The following PLCD1 variants were observed in gnomAD, a reference collection of about 807,000 sequenced individuals.
PLCD1 encodes the protein 1-phosphatidylinositol 4,5-bisphosphate phosphodiesterase delta-1.
A neutral mutation model predicts 87.4 loss-of-function variants in PLCD1; 71 were observed. The observed-to-expected ratio is 0.81, with a 90% CI of 0.67 to 0.99. PLCD1 has a LOEUF of 0.99. Ranked by LOEUF, PLCD1 falls within the 50% of genes least tolerant of loss-of-function variation. The pLI is 0.00. For synonymous variants in PLCD1, 348 were observed against 399.2 expected, an observed-to-expected ratio of 0.87 and a Z score of 1.53; for missense variants, 867 against 1,001.5, an observed-to-expected ratio of 0.87 and a Z score of 1.81.
chr3:38,016,606 G>A lies in PLCD1; in HGVS notation c.313C>T (p.Arg105Cys), dbSNP rs778012055. 7 of 1,613,318 alleles carry A rather than the reference G, an allele frequency of 4.3e-6. No homozygotes were observed. Among genetic ancestry groups the A allele is most frequent in the Middle Eastern group, 1.6e-4 (1 of 6,084 alleles). Residue 105 changes from arginine to cysteine, a missense_variant, in exon 3 of 15, where the codon CGC becomes TGC. Coordinates refer to ENST00000334661, the MANE Select transcript of PLCD1 (RefSeq NM_006225.4). ...GGGGCGATGAGGTCTAGTGTATTGC[G>A]CTGGTCCTTGAAGACAATGGAGAAG... ...RCFSIVFKDQ[R>C]NTLDLIAPSP... is the part of the protein sequence containing the mutation.
Position 38,029,617 on chromosome 3 carries a change from G to T in PLCD1, c.-78C>A. ...ACAGCACCGGCGGCCTGGGGTCCGA[G>T]CGGAGTGCGGTGCAGGGACCTGAAT... On this transcript the variant is annotated 5_prime_UTR_variant, in exon 1 of 15. Coordinates refer to ENST00000334661, the MANE Select transcript of PLCD1 (RefSeq NM_006225.4). 1 of 1,388,902 alleles carries T rather than the reference G, an allele frequency of 7.2e-7. No homozygotes were observed. The highest frequency in any genetic ancestry group is 9.8e-7 in the Non-Finnish European group (1 of 1,016,772). 86.0% of individuals were successfully genotyped at this position (1,388,902 alleles called of 1,614,324 possible).
chr3:38,008,368 C>T lies in PLCD1; in HGVS notation c.1903-1G>A, dbSNP rs1700001447. 6.2e-7 allele frequency: 1 copy of T among 1,614,222 alleles called. No homozygotes were observed. The highest frequency in any genetic ancestry group is 2.2e-5 in the East Asian group (1 of 44,884). On this transcript the variant is annotated splice_acceptor_variant, in intron 12 of 14. Transcript: ENST00000334661. LOFTEE classifies it high-confidence loss of function. Reference sequence around the variant, plus strand: ...TTGGCAGCTGCTGCCCCGAAATGACCTGAGGAAAGGCAGAGGACAATGGAC... The same window carrying T: ...TTGGCAGCTGCTGCCCCGAAATGACTTGAGGAAAGGCAGAGGACAATGGAC...
At chr3:38,009,503 C>G in intron 9 of PLCD1, 72 bp from the exon 10 acceptor site, 3 of 1,585,390 alleles carry the variant, frequency 1.9e-6, no homozygotes, top group Non-Finnish European at 2.6e-6. Flanking sequence ...AGCCAGAAAC[C>G]CAGGCGCAGA....
chr3:38,023,652 A>G (rs1396878791), intron 1 of PLCD1, among the ~76,000 whole-genome samples: 1 of 152,018 alleles, frequency 6.6e-6, no homozygotes, highest in East Asian at 1.9e-4. Context: ...TAAGAACATC[A>G]GAAAATCCAT....
intron 1 of PLCD1, among the ~76,000 whole-genome samples, chr3:38,023,016 T>G (rs1700257419): frequency 6.6e-6 from 1 of 152,112 alleles, no homozygotes; most frequent in Admixed American, 6.5e-5. Context: ...CGAGGAGACT[T>G]TGAGCTGACC....
rs745426030 is a variant in PLCD1 at position 38,029,543 on chromosome 3, C to G, written c.-4G>C. ...GGAAGTCCCGGCCCGAGTCCATGCC[C>G]GACGGGCGGCGCGGCGGGAGGGGCA... On this transcript the variant is annotated 5_prime_UTR_variant, in exon 1 of 15. Transcript: ENST00000334661. 74 of 1,537,322 alleles carry G rather than the reference C, an allele frequency of 4.8e-5. 1 individual carries two copies. In the South Asian group the frequency reaches 7.4e-4, roughly 15 times the overall value.
At position 38,008,557 on chromosome 3, in the gene PLCD1, G is replaced by A. The variant is rs758035121; in HGVS notation, c.1803C>T (p.Tyr601=). The A allele has an allele frequency of 2.6e-5, 42 of 1,614,182 alleles. No homozygotes were observed. The highest frequency in any genetic ancestry group is 3.3e-5 in the Admixed American group (2 of 60,032). Reference sequence around the variant, plus strand: ...CTCGCAGGAAGGCGGGCTTCAGCACGTACCCACAGGCCCCGTTGTCCTGGA... The same window carrying A: ...CTCGCAGGAAGGCGGGCTTCAGCACATACCCACAGGCCCCGTTGTCCTGGA... ...GRFQDNGACG[Y]VLKPAFLRDP... Residue 601 remains tyrosine, a synonymous_variant, in exon 12 of 15, where the codon TAC becomes TAT. Transcript: ENST00000334661.
chr3:38,024,757 A>G, intron 1 of PLCD1: 2 of 1,341,932 alleles, frequency 1.5e-6, no homozygotes, highest in Non-Finnish European at 1.9e-6. Flanking sequence ...GAGTGGGGGG[A>G]GTCAGAATAC....
rs376102247 is a variant in PLCD1, at chr3:38,007,886, A to G, written c.2186-28T>C. The G allele has an allele frequency of 3.7e-6, 6 of 1,610,456 alleles. No individual in the cohort carries two copies. The African/African-American group carries it at 6.7e-5, about 18-fold the overall frequency. ...GGTGGGTGGACAGGCAGGAGGGAAC[A>G]CAGAGAGAGTTCTGGTCATTCGGCG... On this transcript the variant is annotated intron_variant, in intron 14 of 14. Coordinates refer to ENST00000334661, the MANE Select transcript of PLCD1 (RefSeq NM_006225.4).
chr3:38,028,000 C>A (rs1222547786), intron 1 of PLCD1, among the ~76,000 whole-genome samples: 2 of 152,176 alleles, frequency 1.3e-5, no homozygotes, highest in Non-Finnish European at 2.9e-5. Flanking sequence ...GGCAGCCAAG[C>A]CTATGCCACA....
chr3:38,016,418 C>G (rs1206105495), intron 3 of PLCD1, 73 bp downstream of exon 3: 2 of 1,002,202 alleles, frequency 2.0e-6, no homozygotes, highest in Non-Finnish European at 3.1e-6. Flanking sequence ...GCTTCCATAC[C>G]CAAGTTGCCC....
Position 38,007,747 on chromosome 3 carries a change from G to C in PLCD1, c.*26C>G, listed in dbSNP as rs779329326. On this transcript the variant is annotated 3_prime_UTR_variant, in exon 15 of 15. Coordinates refer to ENST00000334661, the MANE Select transcript of PLCD1 (RefSeq NM_006225.4). ...TGGACAGAGGGCCCAGCCCACTCAG[G>C]GGGGACCCCACTGGCTTCCTCCAGC... 111 of 1,571,820 alleles carry C rather than the reference G, an allele frequency of 7.1e-5. No homozygotes were observed. Among genetic ancestry groups the C allele is most frequent in the Non-Finnish European group, 9.1e-5 (104 of 1,141,718 alleles).
Position 38,009,290 on chromosome 3 carries a change from G to C in PLCD1, c.1588C>G (p.Arg530Gly), listed in dbSNP as rs201094715. Residue 530 changes from arginine to glycine, a missense_variant, in exon 10 of 15, where the codon CGA (arginine) becomes GGA (glycine). Physicochemically the swap from Arg to Gly is moderately radical, Grantham distance 125. Coordinates refer to ENST00000334661, the MANE Select transcript of PLCD1 (RefSeq NM_006225.4). ...MASFSENRAL[R>G]LLQESGNGFV... ...GCCTCACCTGATTCTTGGAGCAGTCGAAGGGCACGGTTCTCAGAGAAGGAC... is the reference window on the plus strand; with the variant it reads ...GCCTCACCTGATTCTTGGAGCAGTCCAAGGGCACGGTTCTCAGAGAAGGAC... The C allele has an allele frequency of 6.2e-7, 1 of 1,614,064 alleles. No individual in the cohort carries two copies. Among genetic ancestry groups the C allele is most frequent in the East Asian group, 2.2e-5 (1 of 44,888 alleles).
At chr3:38,011,737 A>G (rs894740917) in intron 3 of PLCD1, 64 bp from the exon 4 acceptor site, 1 of 1,571,394 alleles carries the variant, frequency 6.4e-7, no homozygotes, top group Non-Finnish European at 8.7e-7. Flanking sequence ...AGCCAGAGCC[A>G]TGGATGGCTC....
chr3:38,009,560 G>T, intron 9 of PLCD1, 93 bp downstream of exon 9: 1 of 1,563,476 alleles, frequency 6.4e-7, no homozygotes, highest in Non-Finnish European at 8.8e-7. Flanking sequence ...GGGTCTGAGT[G>T]GCAGCCACAG....
chr3:38,007,691 G>A lies in PLCD1; in HGVS notation c.*82C>T, dbSNP rs1699981857. Reference sequence around the variant, plus strand: ...GGGCCTAGCTCTGAGCAAGAGGCTGGGAGCAGCCACACCAGCCCTGTCCCC... The same window carrying A: ...GGGCCTAGCTCTGAGCAAGAGGCTGAGAGCAGCCACACCAGCCCTGTCCCC... On this transcript the variant is annotated 3_prime_UTR_variant, in exon 15 of 15. Transcript: ENST00000334661. 9.4e-7 allele frequency: 1 copy of A among 1,066,132 alleles called. No homozygotes were observed. The highest frequency in any genetic ancestry group is 1.6e-5 in the African/African-American group (1 of 64,260). The allele number at this position is 1,066,132 out of a possible 1,614,324, so 66.0% of individuals were successfully genotyped here. A position where few individuals can be genotyped will look rare whatever the true frequency, so the allele number is the denominator to read the frequency against.
intron 1 of PLCD1, among the ~76,000 whole-genome samples, chr3:38,021,821 G>C (rs931270529): frequency 6.6e-6 from 1 of 152,066 alleles, no homozygotes; most frequent in Admixed American, 6.5e-5. Flanking sequence ...GAAGCCACAG[G>C]CCTTTTCTTT....
Position 38,025,791 on chromosome 3 carries a change from G to A in PLCD1, c.34+3715C>T, listed in dbSNP as rs1700302483. Among the ~76,000 whole-genome samples the A allele has an allele frequency of 6.6e-6, 1 of 152,098 alleles. No individual in the cohort carries two copies. Among genetic ancestry groups the A allele is most frequent in the African/African-American group, 2.4e-5 (1 of 41,388 alleles). ...TAATTATTTATTGAGCCCCTACTGT[G>A]TGCCAATGTCAGGACACCACCCAGA... On this transcript the variant is annotated intron_variant, in intron 1 of 14. Coordinates refer to ENST00000334661, the MANE Select transcript of PLCD1 (RefSeq NM_006225.4). This position sits in a 1 kb window ranked among gnomAD's most constrained non-coding sequence, Gnocchi z 4.0.
At chr3:38,013,529 T>C (rs897553163) in intron 3 of PLCD1, among the ~76,000 whole-genome samples, 2 of 152,244 alleles carry the variant, frequency 1.3e-5, no homozygotes, top group East Asian at 3.8e-4. Flanking sequence ...TTAATTTTCC[T>C]AATGATGCAT....
Sources: gnomAD v4.1 joint callset for allele counts (sites outside exome capture counted in the v4.1 genomes callset) on GRCh38, gnomAD v4.1.1 for gene constraint, Gnocchi (gnomAD v3.1) non-coding constraint, MANE v1.5 for transcripts, NCBI Gene and HGNC (gene_info 2026-07-23, HGNC 2026-07-21) for gene names.